Variants in MSRB3 observed in about 807,000 individuals in gnomAD.
MSRB3 encodes methionine sulfoxide reductase B3.
Under a neutral mutation model 21.0 loss-of-function variants are expected in MSRB3, and 13 were observed. The observed-to-expected ratio is 0.62, with a 90% confidence interval of 0.40 to 0.98. MSRB3 has a LOEUF of 0.98. Among genes scored for constraint, MSRB3 ranks in the 50% least tolerant of loss-of-function variants. The pLI is 0.00. For missense variants in MSRB3, 199 were observed against 230.3 expected, an observed-to-expected ratio of 0.86 and a Z score of 0.88; for synonymous variants, 87 against 88.6, an observed-to-expected ratio of 0.98 and a Z score of 0.10.
At chr12:65,285,412 A>T (rs977914423) in intron 1 of MSRB3, 1 of 152,148 alleles carries the variant, frequency 6.6e-6, no homozygotes, top group Admixed American at 6.5e-5. Flanking sequence ...AGGGCTATTT[A>T]TTGATACTTG....
At chr12:65,317,774 G>A (rs1228988080) in intron 2 of MSRB3, among the ~76,000 whole-genome samples, 1 of 152,112 alleles carries the variant, frequency 6.6e-6, no homozygotes, top group Non-Finnish European at 1.5e-5. Context: ...AAATTTCACT[G>A]ATTTATTAAG....
intron 4 of MSRB3, among the ~76,000 whole-genome samples, chr12:65,346,482 T>C (rs1279332963): frequency 2.0e-5 from 3 of 152,216 alleles, no homozygotes; most frequent in African/African-American, 7.2e-5. Flanking sequence ...TTTCTGGATA[T>C]TAGCCCTTTG....
At chr12:65,329,374 G>A (rs923148385) in intron 4 of MSRB3, among the ~76,000 whole-genome samples, 1 of 152,214 alleles carries the variant, frequency 6.6e-6, no homozygotes, top group African/African-American at 2.4e-5. Flanking sequence ...CATTGGCTGG[G>A]TGTGGTGGCC....
intron 5 of MSRB3, among the ~76,000 whole-genome samples, chr12:65,452,529 T>C (rs922766292): frequency 1.3e-5 from 2 of 152,098 alleles, no homozygotes; most frequent in Non-Finnish European, 2.9e-5. Flanking sequence ...TTGTGAAAGG[T>C]TATAGTCTGG....
At chr12:65,441,120 G>T (rs991479011) in intron 5 of MSRB3, among the ~76,000 whole-genome samples, 1 of 151,716 alleles carries the variant, frequency 6.6e-6, no homozygotes, top group African/African-American at 2.4e-5. Context: ...AAATTTATCC[G>T]TCTGAGATTC....
intron 5 of MSRB3, among the ~76,000 whole-genome samples, chr12:65,418,196 C>G: frequency 6.6e-6 from 1 of 152,260 alleles, no homozygotes; most frequent in Middle Eastern, 3.4e-3. Context: ...CCTCTGCCTC[C>G]CAGGTTCAAG....
intron 4 of MSRB3, among the ~76,000 whole-genome samples, chr12:65,357,827 A>T (rs1370114337): frequency 6.6e-6 from 1 of 151,976 alleles, no homozygotes; most frequent in Non-Finnish European, 1.5e-5. Context: ...TACCATTTTC[A>T]TCACATCATA....
intron 5 of MSRB3, among the ~76,000 whole-genome samples, chr12:65,426,525 C>T (rs1881608751): frequency 6.6e-6 from 1 of 152,108 alleles, no homozygotes; most frequent in East Asian, 1.9e-4. Context: ...TTGCTGTAGT[C>T]TTACTTGGAT....
In MSRB3 at chr12:65,464,605, A is replaced by C. The variant is rs1355506006; in HGVS notation, c.*1283A>C. 1.3e-5 allele frequency: 2 copies of C among 152,386 alleles called. No individual in the cohort carries two copies. The highest frequency in any genetic ancestry group is 3.9e-4 in the East Asian group (2 of 5,184). 9.4% of individuals were successfully genotyped at this position (152,386 alleles called of 1,614,324 possible). A position where few individuals can be genotyped will look rare whatever the true frequency, so the allele number is the denominator to read the frequency against. On this transcript the variant is annotated 3_prime_UTR_variant, in exon 7 of 7. Transcript: ENST00000308259. ...AAGCAGCTGCAGCTGGAAGGGCACA[A>C]ATTCCACTGTGTAAAATAAAATATT...
intron 1 of MSRB3, among the ~76,000 whole-genome samples, chr12:65,301,302 T>C (rs1280649868): frequency 6.6e-6 from 1 of 152,164 alleles, no homozygotes; most frequent in Non-Finnish European, 1.5e-5. Flanking sequence ...AGTTGATATC[T>C]AGTAGATGTT....
chr12:65,429,784 A>G (rs1881790174), intron 5 of MSRB3, among the ~76,000 whole-genome samples: 1 of 152,172 alleles, frequency 6.6e-6, no homozygotes, highest in Non-Finnish European at 1.5e-5. Flanking sequence ...TGAATTCAGG[A>G]TGATGTGAAT....
chr12:65,453,917 A>G (rs1565899308), intron 6 of MSRB3, 92 bp downstream of exon 6: 1 of 1,008,706 alleles, frequency 9.9e-7, no homozygotes, highest in East Asian at 2.4e-5. Flanking sequence ...ACTGGTCACA[A>G]GAAGGACAGA....
intron 2 of MSRB3, among the ~76,000 whole-genome samples, chr12:65,315,844 G>A (rs1020540219): frequency 6.6e-6 from 1 of 152,100 alleles, no homozygotes; most frequent in Non-Finnish European, 1.5e-5. Context: ...TGCAAGGAAG[G>A]AATGGAATGT....
intron 5 of MSRB3, chr12:65,419,981 G>A: frequency 1.8e-6 from 1 of 563,376 alleles, no homozygotes; most frequent in South Asian, 1.5e-5. Flanking sequence ...CCAGGGATGG[G>A]TAGGTAGTTG....
intron 1 of MSRB3, among the ~76,000 whole-genome samples, chr12:65,307,419 T>C (rs1258493905): frequency 6.6e-6 from 1 of 152,206 alleles, no homozygotes; most frequent in Non-Finnish European, 1.5e-5. Flanking sequence ...TATATGTTTG[T>C]TCTTCAAGGA....
intron 5 of MSRB3, among the ~76,000 whole-genome samples, chr12:65,393,757 A>G (rs898923511): frequency 6.6e-6 from 1 of 152,098 alleles, no homozygotes; most frequent in African/African-American, 2.4e-5. Flanking sequence ...ATACACACAC[A>G]TATACATATA....
At chr12:65,373,896 G>A (rs1280298206) in intron 5 of MSRB3, among the ~76,000 whole-genome samples, 1 of 152,136 alleles carries the variant, frequency 6.6e-6, no homozygotes, top group African/African-American at 2.4e-5. Context: ...CTACACCAGG[G>A]TAAGGAAATC....
intron 5 of MSRB3, among the ~76,000 whole-genome samples, chr12:65,434,332 G>A (rs758562804): frequency 5.9e-5 from 9 of 151,952 alleles, no homozygotes; most frequent in South Asian, 2.1e-4. Context: ...AGATCTGCCC[G>A]TCTACCTCTG....
intron 5 of MSRB3, among the ~76,000 whole-genome samples, chr12:65,382,860 A>G (rs1013787921): frequency 1.3e-5 from 2 of 152,014 alleles, no homozygotes; most frequent in African/African-American, 2.4e-5. Context: ...ACACACGTGT[A>G]TATATATACA....
Sources: allele counts gnomAD v4.1 joint callset (sites outside exome capture counted in the v4.1 genomes callset), GRCh38; gene constraint gnomAD v4.1.1; transcripts MANE v1.5; gene names NCBI Gene and HGNC (gene_info 2026-07-23, HGNC 2026-07-21).